The following SIK2 variants were observed in gnomAD, a reference collection of about 807,000 sequenced individuals.
SIK2 encodes salt inducible kinase 2, also known as serine/threonine-protein kinase SIK2.
A neutral mutation model predicts 103.2 loss-of-function variants in SIK2; 29 were observed. That is an observed-to-expected ratio of 0.28 (90% CI 0.21 to 0.38). The LOEUF (loss-of-function observed/expected upper bound fraction) is 0.38, where lower values mean the gene tolerates loss of function less well. SIK2 is among the 10% of genes least tolerant of loss of function. SIK2 has a pLI of 1.00. For missense variants in SIK2, 879 were observed against 1,171.0 expected, an observed-to-expected ratio of 0.75 and a Z score of 3.64; for synonymous variants, 412 against 446.1, an observed-to-expected ratio of 0.92 and a Z score of 0.96.
At chr11:111,627,049 G>C (rs1358203466) in intron 3 of SIK2, among the ~76,000 whole-genome samples, 1 of 152,114 alleles carries the variant, frequency 6.6e-6, no homozygotes, top group Non-Finnish European at 1.5e-5. Flanking sequence ...GGCACAGGGA[G>C]CCTAGGAGAA....
chr11:111,638,346 C>T (rs1439392245), intron 3 of SIK2, among the ~76,000 whole-genome samples: 1 of 152,152 alleles, frequency 6.6e-6, no homozygotes, highest in African/African-American at 2.4e-5. Context: ...GGGCACTCAC[C>T]CAGTCCATAA....
intron 3 of SIK2, among the ~76,000 whole-genome samples, chr11:111,649,740 A>G (rs1942303957): frequency 6.6e-6 from 1 of 152,130 alleles, no homozygotes; most frequent in Non-Finnish European, 1.5e-5. Flanking sequence ...GCTAATACAG[A>G]GTCTCTGTGA....
chr11:111,602,614 G>C lies in SIK2; in HGVS notation c.51G>C (p.Val17=), dbSNP rs922958970. The C allele has an allele frequency of 5.2e-6, 8 of 1,535,376 alleles. No individual in the cohort carries two copies. The African/African-American group carries it at 1.1e-4, about 22-fold the overall frequency. ...ACTTGCAGCGCGGGCCGGTCCGGGT[G>C]GGGTTCTACGACATCGAGGGCACGC... The part of the protein sequence containing the change: ...PRHLQRGPVR[V]GFYDIEGTLG... The change falls in exon 1 of 15, where the codon GTG becomes GTC. Residue 17 remains valine (V), a synonymous_variant. Coordinates refer to ENST00000304987, the MANE Select transcript of SIK2 (RefSeq NM_015191.3). The surrounding 1 kb of genome is among the most constrained non-coding windows in gnomAD (Gnocchi z 4.5).
chr11:111,656,783 A>G (rs1942397526), intron 3 of SIK2, among the ~76,000 whole-genome samples: 1 of 152,188 alleles, frequency 6.6e-6, no homozygotes, highest in Non-Finnish European at 1.5e-5. Flanking sequence ...TAGTTGCCCA[A>G]TTCTCATTTA....
chr11:111,700,844 T>C, intron 4 of SIK2, 42 bp from the exon 5 acceptor site: 2 of 1,609,274 alleles, frequency 1.2e-6, no homozygotes. Context: ...CAGTATAGTT[T>C]GAGAGCATAG....
Position 111,602,900 on chromosome 11 carries a change from A to G in SIK2, c.135+202A>G, listed in dbSNP as rs922938857. The stretch of plus-strand genomic sequence containing the variant: ...GAAGGGATCGGGCCCGGGCACCCGG[A>G]CCCGAGTGTCGTCCGACTGGAAACG... On this transcript the variant is annotated intron_variant, in intron 1 of 14. Transcript: ENST00000304987. The surrounding 1 kb of genome is among the most constrained non-coding windows in gnomAD (Gnocchi z 4.5). Among the ~76,000 whole-genome samples the G allele has an allele frequency of 6.6e-5, 10 of 151,880 alleles. No individual in the cohort carries two copies. Among genetic ancestry groups the G allele is most frequent in the Admixed American group, 6.5e-4 (10 of 15,276 alleles).
At chr11:111,673,957 C>G (rs1357593413) in intron 3 of SIK2, among the ~76,000 whole-genome samples, 1 of 151,840 alleles carries the variant, frequency 6.6e-6, no homozygotes, top group East Asian at 1.9e-4. Context: ...ACCTGTAATC[C>G]CAGCTACTCG....
At chr11:111,634,127 G>A (rs1942074753) in intron 3 of SIK2, among the ~76,000 whole-genome samples, 1 of 152,132 alleles carries the variant, frequency 6.6e-6, no homozygotes, top group African/African-American at 2.4e-5. Context: ...TTTATTTACA[G>A]ATTTCTGCTC....
chr11:111,664,698 CCA>C (rs1491070242), intron 3 of SIK2, among the ~76,000 whole-genome samples: 4 of 138,208 alleles, frequency 2.9e-5, no homozygotes, highest in East Asian at 2.5e-4. Flanking sequence ...ACCACCCCCC[CCA>C]CACACACACC....
Position 111,723,802 on chromosome 11 carries a change from ACAG to A in SIK2, c.2465_2467del (p.Gln822del), listed in dbSNP as rs771606924. The A allele has an allele frequency of 6.2e-7, 1 of 1,613,782 alleles. No homozygotes were observed. Among genetic ancestry groups the A allele is most frequent in the Non-Finnish European group, 8.5e-7 (1 of 1,180,004 alleles). On this transcript the variant is annotated inframe_deletion, in exon 15 of 15. Coordinates refer to ENST00000304987, the MANE Select transcript of SIK2 (RefSeq NM_015191.3). ...CTGCTCCTCCTCTGCCCACGCAGCT[ACAG>A]CAGCAGCAGCCGCCACCGCCACCAC... is the stretch of plus-strand genomic sequence containing the variant.
chr11:111,651,773 C>T (rs1942330215), intron 3 of SIK2, among the ~76,000 whole-genome samples: 1 of 152,178 alleles, frequency 6.6e-6, no homozygotes, highest in African/African-American at 2.4e-5. Flanking sequence ...AACACCTACA[C>T]TATGGCAAGA....
rs1290847174 is a variant in SIK2 at position 111,616,315 on chromosome 11, A to G, written c.208A>G (p.Ile70Val). 1.9e-6 allele frequency: 3 copies of G among 1,613,598 alleles called. No individual in the cohort carries two copies. The highest frequency in any genetic ancestry group is 1.7e-6 in the Non-Finnish European group (2 of 1,179,738). ...TGAGAAAATCTACCGAGAAGTACAA[A>G]TAATGAAAATGTTAGACCACCCTCA... ...NLEKIYREVQ[I>V]MKMLDHPHII... Residue 70 changes from isoleucine (I) to valine (V), a missense_variant, in exon 2 of 15, where the codon ATA (isoleucine) becomes GTA (valine). By Grantham distance (29) the Ile-to-Val change is conservative (BLOSUM62 3). This residue lies in a region of SIK2 where 126 missense variants were observed against 245.5 expected (regional missense o/e 0.51). Coordinates refer to ENST00000304987, the MANE Select transcript of SIK2 (RefSeq NM_015191.3).
intron 3 of SIK2, among the ~76,000 whole-genome samples, chr11:111,656,636 G>A (rs1337796046): frequency 1.3e-5 from 2 of 152,144 alleles, no homozygotes; most frequent in Non-Finnish European, 2.9e-5. Context: ...TTTCTGAACT[G>A]CATTTCTTAA....
chr11:111,703,570 T>C, intron 7 of SIK2, 147 bp downstream of exon 7: 1 of 669,178 alleles, frequency 1.5e-6, no homozygotes, highest in Non-Finnish European at 2.5e-6. Flanking sequence ...TCAGACTCTA[T>C]TTATATTTGC....
At chr11:111,667,611 C>T (rs894598564) in intron 3 of SIK2, among the ~76,000 whole-genome samples, 7 of 151,898 alleles carry the variant, frequency 4.6e-5, no homozygotes, top group African/African-American at 1.5e-4. Context: ...CCTGCCTCAC[C>T]CTCCCATGTA....
At chr11:111,663,428 G>C (rs1942493734) in intron 3 of SIK2, among the ~76,000 whole-genome samples, 2 of 152,160 alleles carry the variant, frequency 1.3e-5, no homozygotes, top group African/African-American at 4.8e-5. Flanking sequence ...GTGGTAGAGG[G>C]TGGTGGGAGA....
chr11:111,645,432 G>A (rs1206224570), intron 3 of SIK2, among the ~76,000 whole-genome samples: 1 of 152,170 alleles, frequency 6.6e-6, no homozygotes, highest in Non-Finnish European at 1.5e-5. Context: ...GTTGAGGGAA[G>A]GAAAGCAGAC....
At chr11:111,657,320 CAT>C (rs1418136450) in intron 3 of SIK2, among the ~76,000 whole-genome samples, 6 of 152,094 alleles carry the variant, frequency 3.9e-5, no homozygotes, top group Admixed American at 2.0e-4. Context: ...GGTGATTTTG[CAT>C]ATGTTTACTC....
In SIK2 at chr11:111,700,927, G is replaced by A; in HGVS notation, c.520G>A (p.Ala174Thr). 6.2e-7 allele frequency: 1 copy of A among 1,613,898 alleles called. No homozygotes were observed. Among genetic ancestry groups the A allele is most frequent in the Non-Finnish European group, 8.5e-7 (1 of 1,179,964 alleles). ...TTTCTTTAAAAGTGGTGAACTGCTG[G>A]CAACATGGTGTGGCAGCCCCCCTTA... ...GNFFKSGELL[A>T]TWCGSPPYAA... is the part of the protein sequence containing the mutation. Residue 174 changes from alanine (A) to threonine (T), a missense_variant, in exon 5 of 15, where the codon GCA becomes ACA. By Grantham distance (58) the Ala-to-Thr change is moderately conservative (BLOSUM62 0). This residue lies in a region of SIK2 where 126 missense variants were observed against 245.5 expected (regional missense o/e 0.51). Coordinates refer to ENST00000304987, the MANE Select transcript of SIK2 (RefSeq NM_015191.3).
Sources: allele counts gnomAD v4.1 joint callset (sites outside exome capture counted in the v4.1 genomes callset), GRCh38; gene constraint gnomAD v4.1.1; regional missense constraint gnomAD v4.1.1; non-coding constraint Gnocchi (gnomAD v3.1); transcripts MANE v1.5; gene names NCBI Gene and HGNC (gene_info 2026-07-23, HGNC 2026-07-21).